The following C12orf42 variants were observed in gnomAD, a reference collection of about 807,000 sequenced individuals.
The protein encoded by C12orf42 is chromosome 12 open reading frame 42.
Under a neutral mutation model 21.6 loss-of-function variants are expected in C12orf42, and 25 were observed. That is an observed-to-expected ratio of 1.16 (90% CI 0.84 to 1.62). The LOEUF (loss-of-function observed/expected upper bound fraction) is 1.62, where lower values mean the gene tolerates loss of function less well. C12orf42 is among the 40% of genes most tolerant of loss of function. The pLI, the probability that C12orf42 is intolerant of heterozygous loss-of-function variation, is 0.00. For synonymous variants in C12orf42, 174 were observed against 175.0 expected, an observed-to-expected ratio of 0.99 and a Z score of 0.05; for missense variants, 483 against 459.3, an observed-to-expected ratio of 1.05 and a Z score of -0.47.
the C12orf42 span, among the ~76,000 whole-genome samples, chr12:103,070,965 G>A: frequency 2.4e-4 from 36 of 152,244 alleles, no homozygotes; most frequent in Middle Eastern, 3.4e-3. Context: ...GTGGTGAATC[G>A]TTAAGTCTGT....
chr12:103,528,242 A>G, the C12orf42 span, among the ~76,000 whole-genome samples: 1 of 152,256 alleles, frequency 6.6e-6, no homozygotes, highest in African/African-American at 2.4e-5. Flanking sequence ...AGATGAAGAC[A>G]TAGATATAAG....
At chr12:103,367,617 G>C (rs2044729129) in intron 4 of C12orf42, among the ~76,000 whole-genome samples, 1 of 151,764 alleles carries the variant, frequency 6.6e-6, no homozygotes, top group Non-Finnish European at 1.5e-5. Context: ...TTTTTGCTTA[G>C]AGAAAATATT....
the C12orf42 span, among the ~76,000 whole-genome samples, chr12:103,106,986 C>A: frequency 6.6e-6 from 1 of 151,868 alleles, no homozygotes. Context: ...GCAGATGCAG[C>A]ATTATTGATG....
At chr12:103,514,496 T>C in the C12orf42 span, among the ~76,000 whole-genome samples, 2 of 152,088 alleles carry the variant, frequency 1.3e-5, no homozygotes, top group African/African-American at 2.4e-5. Context: ...CCAAGACTAA[T>C]GTGACTGGGG....
At chr12:103,226,680 G>A in the C12orf42 span, among the ~76,000 whole-genome samples, 57 of 152,260 alleles carry the variant, frequency 3.7e-4, no homozygotes, top group African/African-American at 1.2e-3. Flanking sequence ...ATTATAGGGC[G>A]GAGGAGAAGA....
At position 103,294,389 on chromosome 12, in the gene C12orf42, A is replaced by AAAAGAAAGAAAGAAAGAAAGAAAGAAAG. The variant is rs10579611; in HGVS notation, n.338-17180_338-17179insCTTTCTTTCTTTCTTTCTTTCTTTCTTT. Reference sequence around the variant, plus strand: ...AAAGAAAGAGAAAGAAGAAAGAAGAAAAAGAAAGAAAGAAAGAAAGAAAGA... The same window carrying AAAAGAAAGAAAGAAAGAAAGAAAGAAAG: ...AAAGAAAGAGAAAGAAGAAAGAAGAAAAAGAAAGAAAGAAAGAAAGAAAGAAAGAAAGAAAGAAAGAAAGAAAGAAAGA... On this transcript the variant is annotated intron_variant and non_coding_transcript_variant, in intron 4 of 6. Coordinates refer to the C12orf42 transcript ENST00000546526. 6.7e-5 allele frequency among the ~76,000 whole-genome samples: 8 copies of AAAAGAAAGAAAGAAAGAAAGAAAGAAAG among 118,854 alleles called. No homozygotes were observed. The East Asian group carries it at 1.1e-3, about 16-fold the overall frequency. The allele number at this position is 118,854 out of a possible 152,430, so 78.0% of individuals were successfully genotyped here.
intron 4 of C12orf42, among the ~76,000 whole-genome samples, chr12:103,343,585 C>T (rs1177331771): frequency 2.0e-5 from 3 of 151,938 alleles, no homozygotes; most frequent in African/African-American, 7.3e-5. Context: ...ACGAGACCAG[C>T]CTGGCTAACA....
At chr12:103,244,021 G>GT (rs1296182866) in intron 10 of C12orf42, among the ~76,000 whole-genome samples, 1 of 152,090 alleles carries the variant, frequency 6.6e-6, no homozygotes, top group African/African-American at 2.4e-5. Context: ...ATTTTCCAAG[G>GT]TTGATTCCAA....
the C12orf42 span, among the ~76,000 whole-genome samples, chr12:103,229,245 G>T: frequency 1.3e-5 from 2 of 152,122 alleles, no homozygotes; most frequent in Non-Finnish European, 2.9e-5. Context: ...GATATTTCCG[G>T]TCTTCATTTA....
chr12:103,297,511 A>C (rs1182684681), downstream of C12orf42, among the ~76,000 whole-genome samples: 15 of 152,292 alleles, frequency 9.8e-5, no homozygotes, highest in Non-Finnish European at 1.8e-4. Flanking sequence ...TCACAGCCGA[A>C]TTCTACCAGA....
intron 4 of C12orf42, among the ~76,000 whole-genome samples, chr12:103,326,591 C>T (rs1443941615): frequency 1.3e-5 from 2 of 152,200 alleles, no homozygotes; most frequent in Non-Finnish European, 2.9e-5. Context: ...GTTCTTCCTG[C>T]TTCTTGACTG....
chr12:103,291,561 A>G (rs182826530), intron 4 of C12orf42, among the ~76,000 whole-genome samples: 4 of 152,278 alleles, frequency 2.6e-5, no homozygotes, highest in Admixed American at 1.3e-4. Flanking sequence ...TATACTTAAT[A>G]GCTACTTCTT....
chr12:103,454,634 T>C (rs1952168506), intron 2 of C12orf42, among the ~76,000 whole-genome samples: 1 of 152,166 alleles, frequency 6.6e-6, no homozygotes. Context: ...TACTTCACAA[T>C]TCTATCCCTA....
intron 5 of C12orf42, among the ~76,000 whole-genome samples, chr12:103,272,149 C>G (rs948927716): frequency 6.6e-6 from 1 of 152,142 alleles, no homozygotes; most frequent in African/African-American, 2.4e-5. Flanking sequence ...TTACTTGAAG[C>G]ATTACCTTAG....
At chr12:103,286,956 CTCA>C in intron 4 of C12orf42, among the ~76,000 whole-genome samples, 1 of 145,700 alleles carries the variant, frequency 6.9e-6, no homozygotes, top group African/African-American at 2.6e-5. Flanking sequence ...AAAAAAAATG[CTCA>C]TCATCACTGG....
chr12:103,078,236 G>A, the C12orf42 span, among the ~76,000 whole-genome samples: 2 of 152,120 alleles, frequency 1.3e-5, no homozygotes, highest in African/African-American at 4.8e-5. Flanking sequence ...CTTAATAATT[G>A]ATAGGTTACT....
chr12:103,489,892 C>A (rs1016149223), intron 1 of C12orf42, among the ~76,000 whole-genome samples: 2 of 152,196 alleles, frequency 1.3e-5, no homozygotes, highest in African/African-American at 4.8e-5. Flanking sequence ...AATCCCCTGA[C>A]CCCTTGCACC....
At chr12:103,558,407 C>T in the C12orf42 span, 2 of 152,216 alleles carry the variant, frequency 1.3e-5, no homozygotes, top group Admixed American at 6.5e-5. Flanking sequence ...CCTTAATGTC[C>T]TCTCTGTTCC....
chr12:103,563,720 C>G, the C12orf42 span, among the ~76,000 whole-genome samples: 1 of 152,346 alleles, frequency 6.6e-6, no homozygotes, highest in Non-Finnish European at 1.5e-5. Flanking sequence ...CATCCAGGAC[C>G]TGCTGGAGAG....
Sources: allele counts gnomAD v4.1 joint callset (sites outside exome capture counted in the v4.1 genomes callset), GRCh38; gene constraint gnomAD v4.1.1; transcripts MANE v1.5; gene names NCBI Gene and HGNC (gene_info 2026-07-23, HGNC 2026-07-21).